The following BBOX1 variants were observed in gnomAD, a reference collection of about 807,000 sequenced individuals.
BBOX1 encodes gamma-butyrobetaine dioxygenase.
In BBOX1, 35 loss-of-function variants were observed where a neutral mutation model predicts 41.6. The observed-to-expected ratio is 0.84, with a 90% confidence interval of 0.64 to 1.11. The LOEUF (loss-of-function observed/expected upper bound fraction) is 1.11. Among genes scored for constraint, BBOX1 ranks in the 50% most tolerant of loss-of-function variants. The probability of loss-of-function intolerance (pLI) is 0.00; values close to 1 mark genes in which losing one functional copy is unlikely to be tolerated. For missense variants in BBOX1, 458 were observed against 460.6 expected (o/e 0.99, Z 0.05); for synonymous variants, 163 against 154.7 (o/e 1.05, Z -0.40).
At chr11:27,119,579 T>C in intron 6 of BBOX1, 70 bp from the exon 7 acceptor site, 1 of 882,796 alleles carries the variant, frequency 1.1e-6, no homozygotes, top group East Asian at 3.7e-5. Context: ...ATTTATTTTA[T>C]TGAAGATTAA....
intron 5 of BBOX1, among the ~76,000 whole-genome samples, chr11:27,102,195 A>T (rs75141233): frequency 1.3e-5 from 2 of 152,240 alleles, no homozygotes; most frequent in Non-Finnish European, 2.9e-5. Flanking sequence ...AGTGCTAAGG[A>T]TGCATGTGGT....
intron 8 of BBOX1, among the ~76,000 whole-genome samples, chr11:27,126,677 CTTTTTTTTTT>C (rs66505246): frequency 7.8e-6 from 1 of 127,828 alleles, no homozygotes; most frequent in Non-Finnish European, 1.7e-5. Flanking sequence ...TCTTTTTTTT[CTTTTTTTTTT>C]TTTTTTGAGA....
At chr11:27,059,639 C>T (rs553379256) in intron 4 of BBOX1, among the ~76,000 whole-genome samples, 65 of 152,252 alleles carry the variant, frequency 4.3e-4, no homozygotes, top group African/African-American at 1.3e-3. Flanking sequence ...CCTCTGGAGC[C>T]GAACTTTGCA....
chr11:27,106,260 A>G (rs1013445232), intron 5 of BBOX1, among the ~76,000 whole-genome samples: 3 of 150,140 alleles, frequency 2.0e-5, no homozygotes, highest in African/African-American at 7.4e-5. Flanking sequence ...TTAAATGTAA[A>G]TGGGCTAAAT....
chr11:27,048,440 T>C (rs1283933691), intron 2 of BBOX1, among the ~76,000 whole-genome samples: 1 of 151,168 alleles, frequency 6.6e-6, no homozygotes, highest in African/African-American at 2.4e-5. Flanking sequence ...GAATTTACCT[T>C]CTTTTTTAAG....
chr11:27,121,691 C>T (rs1016761857), intron 7 of BBOX1, among the ~76,000 whole-genome samples: 13 of 152,228 alleles, frequency 8.5e-5, no homozygotes, highest in African/African-American at 2.9e-4. Context: ...AAACCTGAGA[C>T]GTTTTCTAAG....
At chr11:27,079,002 T>G (rs1425791391) in intron 4 of BBOX1, among the ~76,000 whole-genome samples, 1 of 152,204 alleles carries the variant, frequency 6.6e-6, no homozygotes, top group Admixed American at 6.5e-5. Flanking sequence ...CCCCTTTTTC[T>G]TCTAGTTAAA....
chr11:27,056,024 G>C (rs1317886365), intron 3 of BBOX1, among the ~76,000 whole-genome samples: 1 of 152,016 alleles, frequency 6.6e-6, no homozygotes, highest in Admixed American at 6.6e-5. Flanking sequence ...TTATGCTCTT[G>C]TCCACATCCC....
chr11:27,127,051 A>G (rs1476164810), intron 8 of BBOX1, among the ~76,000 whole-genome samples: 1 of 152,202 alleles, frequency 6.6e-6, no homozygotes, highest in Non-Finnish European at 1.5e-5. Context: ...TTTAAATAAG[A>G]ATGATTAAAA....
chr11:27,119,885 T>C (rs1859404058), intron 7 of BBOX1, 40 bp downstream of exon 7: 2 of 1,216,190 alleles, frequency 1.6e-6, no homozygotes, highest in East Asian at 2.9e-5. Flanking sequence ...AATAAAAGAA[T>C]TGACAACAAA....
At chr11:27,097,773 G>A (rs535900177) in intron 5 of BBOX1, among the ~76,000 whole-genome samples, 1 of 152,042 alleles carries the variant, frequency 6.6e-6, no homozygotes, top group Non-Finnish European at 1.5e-5. Flanking sequence ...GCATGGTCAA[G>A]ATGGGGAAAT....
At chr11:27,054,973 G>C (rs557722140) in intron 2 of BBOX1, among the ~76,000 whole-genome samples, 8 of 152,090 alleles carry the variant, frequency 5.3e-5, no homozygotes, top group Admixed American at 2.0e-4. Context: ...TTTTTCAAAA[G>C]CCATGTCCAA....
chr11:27,099,788 G>A (rs1858579651), intron 5 of BBOX1, among the ~76,000 whole-genome samples: 1 of 152,036 alleles, frequency 6.6e-6, no homozygotes, highest in Non-Finnish European at 1.5e-5. Flanking sequence ...CTTTCTGCAG[G>A]GGTGTTTTAA....
rs772292745 is a variant in BBOX1 at position 27,115,557 on chromosome 11, G to A, written c.639G>A (p.Gly213=). 1.2e-6 allele frequency: 2 copies of A among 1,605,542 alleles called. No homozygotes were observed. The highest frequency in any genetic ancestry group is 1.1e-5 in the South Asian group (1 of 90,406). ...TDYPALHHPP[G]VQLLHCIKQT... ...ATCCAGCCCTCCATCATCCACCTGG[G>A]GTAAGTGAGCTTCAACATATTTTCC... is the stretch of plus-strand genomic sequence containing the variant. Residue 213 remains glycine, a splice_region_variant and synonymous_variant, in exon 6 of 9, where the codon GGG becomes GGA. Coordinates refer to ENST00000263182, the MANE Select transcript of BBOX1 (RefSeq NM_003986.3).
intron 8 of BBOX1, among the ~76,000 whole-genome samples, chr11:27,126,736 C>T (rs1859670420): frequency 6.8e-6 from 1 of 146,418 alleles, no homozygotes; most frequent in Non-Finnish European, 1.5e-5. Context: ...AGTACAGTGG[C>T]GTGATCTCGG....
chr11:27,089,661 A>G (rs1467612412), intron 4 of BBOX1, among the ~76,000 whole-genome samples: 1 of 151,980 alleles, frequency 6.6e-6, no homozygotes, highest in African/African-American at 2.4e-5. Context: ...ATGCCAAGTG[A>G]GTCTTTAACA....
At chr11:27,108,351 A>G (rs778618393) in intron 5 of BBOX1, among the ~76,000 whole-genome samples, 1 of 152,076 alleles carries the variant, frequency 6.6e-6, no homozygotes, top group Non-Finnish European at 1.5e-5. Flanking sequence ...CAAAACCATC[A>G]CCACTCTTGA....
At chr11:27,050,646 G>A (rs1450666345) in intron 2 of BBOX1, among the ~76,000 whole-genome samples, 1 of 151,684 alleles carries the variant, frequency 6.6e-6, no homozygotes, top group Non-Finnish European at 1.5e-5. Context: ...CAGAATGTTA[G>A]TTGTTATTAT....
chr11:27,125,754 G>T lies in BBOX1; in HGVS notation c.937G>T (p.Ala313Ser), dbSNP rs1263573373. The T allele has an allele frequency of 8.1e-6, 13 of 1,613,704 alleles. No homozygotes were observed. The highest frequency in any genetic ancestry group is 1.1e-5 in the Non-Finnish European group (13 of 1,179,890). ...PVERVQPFYAALKEFVDLMNS... is the reference protein window; with the variant it reads ...PVERVQPFYASLKEFVDLMNS... The stretch of plus-strand genomic sequence containing the variant: ...TGAAAGAGTTCAGCCTTTTTATGCT[G>T]CTCTGAAGGAGTTTGTTGACCTCAT... Residue 313 changes from alanine to serine, a missense_variant, in exon 8 of 9, where the codon GCT (alanine) becomes TCT (serine). Ala to Ser is a moderately conservative substitution (Grantham distance 99). Transcript: ENST00000263182.
Sources: allele counts gnomAD v4.1 joint callset (sites outside exome capture counted in the v4.1 genomes callset), GRCh38; gene constraint gnomAD v4.1.1; transcripts MANE v1.5; gene names NCBI Gene and HGNC (gene_info 2026-07-23, HGNC 2026-07-21).